The following GALNT1 variants were observed in gnomAD, a reference collection of about 807,000 sequenced individuals.
GALNT1 encodes polypeptide N-acetylgalactosaminyltransferase 1.
A neutral mutation model predicts 65.7 loss-of-function variants in GALNT1; 17 were observed. That is an observed-to-expected ratio of 0.26 (90% CI 0.18 to 0.39). The LOEUF (loss-of-function observed/expected upper bound fraction) is 0.39, where lower values mean the gene tolerates loss of function less well. GALNT1 is among the 10% of genes least tolerant of loss of function. The pLI, the probability that GALNT1 is intolerant of heterozygous loss-of-function variation, is 1.00. For synonymous variants in GALNT1, 210 were observed against 219.7 expected, an observed-to-expected ratio of 0.96 and a Z score of 0.39; for missense variants, 460 against 672.8, an observed-to-expected ratio of 0.68 and a Z score of 3.50.
intron 11 of GALNT1, among the ~76,000 whole-genome samples, chr18:35,707,681 T>C (rs1466818850): frequency 6.6e-6 from 1 of 152,236 alleles, no homozygotes; most frequent in Admixed American, 6.5e-5. Context: ...GAAACTAGGT[T>C]AAGAGAGACC....
intron 9 of GALNT1, among the ~76,000 whole-genome samples, chr18:35,695,388 G>T (rs1223139061): frequency 6.6e-6 from 1 of 152,176 alleles, no homozygotes; most frequent in Non-Finnish European, 1.5e-5. Flanking sequence ...TGGTGGAAGT[G>T]TGAGGACCTT....
At chr18:35,646,076 C>G (rs1344038340) in intron 1 of GALNT1, among the ~76,000 whole-genome samples, 1 of 151,996 alleles carries the variant, frequency 6.6e-6, no homozygotes, top group Non-Finnish European at 1.5e-5. Flanking sequence ...CACGGGCTTA[C>G]CAGGAAGCAT....
At chr18:35,637,116 C>G (rs2047101528) in intron 1 of GALNT1, among the ~76,000 whole-genome samples, 2 of 152,124 alleles carry the variant, frequency 1.3e-5, no homozygotes, top group Admixed American at 6.5e-5. Context: ...TCGGGTATCC[C>G]TGTTCCCCAA....
intron 1 of GALNT1, among the ~76,000 whole-genome samples, chr18:35,641,828 A>G (rs1261413392): frequency 6.6e-6 from 1 of 152,194 alleles, no homozygotes; most frequent in East Asian, 1.9e-4. Context: ...CCTAACAACC[A>G]TACGTATATA....
At chr18:35,590,731 T>G (rs2046433273) in intron 1 of GALNT1, among the ~76,000 whole-genome samples, 1 of 152,148 alleles carries the variant, frequency 6.6e-6, no homozygotes, top group Non-Finnish European at 1.5e-5. Context: ...TAAGAATTAG[T>G]GAGTTATCAG....
In GALNT1 at chr18:35,694,603, C is replaced by T. The variant is rs557937687; in HGVS notation, c.1299+2283C>T. Among the ~76,000 whole-genome samples the T allele has an allele frequency of 2.0e-5, 3 of 152,306 alleles. No homozygotes were observed. The South Asian group carries it at 6.2e-4, about 32-fold the overall frequency. On this transcript the variant is annotated intron_variant, in intron 9 of 11. Coordinates refer to ENST00000269195, the MANE Select transcript of GALNT1 (RefSeq NM_020474.4). ...GGTATGTATCCAAAGGAAATGAACGCAGGGTCTGAAGAGTTACTTTTACTT... is the reference window on the plus strand; with the variant it reads ...GGTATGTATCCAAAGGAAATGAACGTAGGGTCTGAAGAGTTACTTTTACTT...
intron 11 of GALNT1, among the ~76,000 whole-genome samples, chr18:35,708,143 CAG>C (rs768618843): frequency 2.6e-5 from 4 of 152,014 alleles, no homozygotes; most frequent in African/African-American, 9.7e-5. Flanking sequence ...GGTTTTTGCT[CAG>C]AAGCATATAG....
chr18:35,651,681 C>T (rs1001905802), intron 1 of GALNT1, among the ~76,000 whole-genome samples: 2 of 152,052 alleles, frequency 1.3e-5, no homozygotes, highest in South Asian at 2.1e-4. Flanking sequence ...TTAAGGACAG[C>T]GAAGGACACA....
At chr18:35,656,492 G>A (rs1169826690) in intron 2 of GALNT1, among the ~76,000 whole-genome samples, 2 of 152,232 alleles carry the variant, frequency 1.3e-5, no homozygotes, top group Admixed American at 6.5e-5. Context: ...CAATAAGGAA[G>A]TATGTTCCAG....
intron 1 of GALNT1, among the ~76,000 whole-genome samples, chr18:35,645,218 GTTTTTTTTTTTT>G (rs1166987925): frequency 1.2e-3 from 67 of 54,368 alleles, no homozygotes; most frequent in African/African-American, 4.4e-3. Flanking sequence ...TATTTTGAAT[GTTTTTTTTTTTT>G]TTTTTTTTTT....
At position 35,654,793 on chromosome 18, in the gene GALNT1, C is replaced by A; in HGVS notation, c.131C>A (p.Ala44Asp). Residue 44 changes from alanine (A) to aspartate (D), a missense_variant, in exon 2 of 12, where the codon GCT (alanine) becomes GAT (aspartate). By Grantham distance (126) the Ala-to-Asp change is moderately radical. Coordinates refer to ENST00000269195, the MANE Select transcript of GALNT1 (RefSeq NM_020474.4). ...CDEKKERGLP[A>D]GDVLEPVQKP... ...GAAAAAAAGGAGAGAGGACTTCCTG[C>A]TGGAGATGGTGAGTGACATTTTATA... The A allele has an allele frequency of 6.5e-7, 1 of 1,549,178 alleles. No individual in the cohort carries two copies. Among genetic ancestry groups the A allele is most frequent in the African/African-American group, 1.4e-5 (1 of 72,630 alleles).
chr18:35,688,599 C>T (rs1458464793), intron 6 of GALNT1, among the ~76,000 whole-genome samples: 1 of 152,092 alleles, frequency 6.6e-6, no homozygotes, highest in Non-Finnish European at 1.5e-5. Flanking sequence ...CAGGAAGGAA[C>T]ATATTGATTT....
intron 1 of GALNT1, among the ~76,000 whole-genome samples, chr18:35,619,856 C>G (rs1297047267): frequency 6.6e-6 from 1 of 152,080 alleles, no homozygotes; most frequent in Non-Finnish European, 1.5e-5. Context: ...TGTTTAAAGT[C>G]TAGGAAGTAA....
intron 1 of GALNT1, among the ~76,000 whole-genome samples, chr18:35,614,572 A>G (rs10164110): frequency 0.21 from 32,345 of 152,116 alleles, 4,014 homozygotes; most frequent in African/African-American, 0.33. Flanking sequence ...GCCTCTTCAC[A>G]ATTGCACTGG....
At chr18:35,655,107 A>G (rs1242547012) in intron 2 of GALNT1, among the ~76,000 whole-genome samples, 1 of 152,162 alleles carries the variant, frequency 6.6e-6, no homozygotes, top group Admixed American at 6.6e-5. Context: ...TCAAAATTGT[A>G]CAGAAGATTA....
intron 8 of GALNT1, 74 bp downstream of exon 8, chr18:35,691,266 G>T (rs1182618281): frequency 4.4e-6 from 6 of 1,363,440 alleles, no homozygotes; most frequent in Non-Finnish European, 6.0e-6. Context: ...AAGTAAGAAG[G>T]TTAGAAGTGA....
At chr18:35,592,981 G>A (rs186652022) in intron 1 of GALNT1, among the ~76,000 whole-genome samples, 1 of 152,280 alleles carries the variant, frequency 6.6e-6, no homozygotes, top group Non-Finnish European at 1.5e-5. Flanking sequence ...ATAAATCAAT[G>A]TACTTGTCTT....
intron 1 of GALNT1, among the ~76,000 whole-genome samples, chr18:35,617,944 G>T (rs540097412): frequency 3.7e-4 from 56 of 150,558 alleles, no homozygotes; most frequent in Non-Finnish European, 6.3e-4. Flanking sequence ...TTTTCTTTTC[G>T]ATAACTCTTC....
chr18:35,636,779 C>CTTTGT (rs2047094449), intron 1 of GALNT1, among the ~76,000 whole-genome samples: 1 of 97,796 alleles, frequency 1.0e-5, no homozygotes, highest in Non-Finnish European at 2.0e-5. Flanking sequence ...ACAGATACTA[C>CTTTGT]TTTGTTTTTT....
Sources: gnomAD v4.1 joint callset for allele counts (sites outside exome capture counted in the v4.1 genomes callset) on GRCh38, gnomAD v4.1.1 for gene constraint, MANE v1.5 for transcripts, NCBI Gene and HGNC (gene_info 2026-07-23, HGNC 2026-07-21) for gene names.